Variants in NOSTRIN observed in about 807,000 individuals in gnomAD.
NOSTRIN encodes nitric oxide synthase trafficking, also known as BM247 homolog.
In NOSTRIN, 63 loss-of-function variants were observed where a neutral mutation model predicts 59.0. The observed-to-expected ratio is 1.07, with a 90% confidence interval of 0.87 to 1.32. NOSTRIN has a LOEUF of 1.32. NOSTRIN is among the 40% of genes most tolerant of loss of function. The pLI is 0.00. For missense variants in NOSTRIN, 512 were observed against 473.1 expected, an observed-to-expected ratio of 1.08 and a Z score of -0.76; for synonymous variants, 200 against 165.4, an observed-to-expected ratio of 1.21 and a Z score of -1.61.
intron 7 of NOSTRIN, among the ~76,000 whole-genome samples, chr2:168,838,789 CT>C (rs71003059): frequency 6.4e-4 from 87 of 136,260 alleles, no homozygotes; most frequent in Non-Finnish European, 6.7e-4. Context: ...AAAAAAAACT[CT>C]TTTTTTTTTT....
chr2:168,845,885 A>G (rs1192161565), intron 8 of NOSTRIN, among the ~76,000 whole-genome samples: 7 of 136,086 alleles, frequency 5.1e-5, no homozygotes, highest in African/African-American at 2.0e-4. Flanking sequence ...CCCCTCTTGT[A>G]TCCTGGATTT....
At chr2:168,862,080 C>T (rs2105797721) in intron 15 of NOSTRIN, 31 bp downstream of exon 15, 2 of 1,577,834 alleles carry the variant, frequency 1.3e-6, no homozygotes, top group African/African-American at 1.3e-5. Context: ...TTTTAATTGC[C>T]TTCCCATATT....
At chr2:168,847,360 G>A (rs915866340) in intron 8 of NOSTRIN, among the ~76,000 whole-genome samples, 4 of 152,106 alleles carry the variant, frequency 2.6e-5, no homozygotes, top group Admixed American at 2.0e-4. Context: ...CAAAGCGCCT[G>A]GGGTGCTTAA....
At chr2:168,837,299 TC>T (rs1687786417) in intron 7 of NOSTRIN, among the ~76,000 whole-genome samples, 3 of 128,892 alleles carry the variant, frequency 2.3e-5, no homozygotes, top group African/African-American at 8.4e-5. Context: ...TTTTTTAACA[TC>T]TTTTTTTTTT....
intron 1 of NOSTRIN, among the ~76,000 whole-genome samples, chr2:168,809,026 G>A (rs900198120): frequency 2.0e-5 from 3 of 152,186 alleles, no homozygotes; most frequent in African/African-American, 7.2e-5. Context: ...AAACATAAAA[G>A]TGTTTCATAA....
At chr2:168,814,664 A>C (rs958591289) in intron 2 of NOSTRIN, among the ~76,000 whole-genome samples, 110 of 152,360 alleles carry the variant, frequency 7.2e-4, no homozygotes, top group Middle Eastern at 3.4e-3. Flanking sequence ...TGATGAAGGC[A>C]AATCTGTGGC....
upstream of NOSTRIN, among the ~76,000 whole-genome samples, chr2:168,797,052 T>C (rs1685496382): frequency 6.6e-6 from 1 of 150,410 alleles, no homozygotes; most frequent in African/African-American, 2.4e-5. Context: ...CTCATACTTT[T>C]CTTTTCTTTC....
chr2:168,853,652 G>A (rs1688903297), intron 10 of NOSTRIN, among the ~76,000 whole-genome samples: 1 of 152,314 alleles, frequency 6.6e-6, no homozygotes, highest in Non-Finnish European at 1.5e-5. Context: ...CTTCAACAGG[G>A]AAGGACTAAT....
intron 8 of NOSTRIN, among the ~76,000 whole-genome samples, chr2:168,849,086 G>T (rs563770836): frequency 6.6e-6 from 1 of 152,240 alleles, no homozygotes; most frequent in East Asian, 1.9e-4. Context: ...AATTTCAAGA[G>T]GTGAGCAAGG....
intron 3 of NOSTRIN, among the ~76,000 whole-genome samples, chr2:168,827,531 C>A (rs1687121195): frequency 6.6e-6 from 1 of 151,912 alleles, no homozygotes; most frequent in Non-Finnish European, 1.5e-5. Context: ...TATTTTATTT[C>A]CCCTATTTTA....
At chr2:168,844,059 C>T (rs78005721) in intron 8 of NOSTRIN, among the ~76,000 whole-genome samples, 452 of 152,208 alleles carry the variant, frequency 3.0e-3, no homozygotes, top group Non-Finnish European at 5.3e-3. Flanking sequence ...GAATTAACCT[C>T]GAAAAACATG....
chr2:168,856,608 C>G (rs745932380), intron 11 of NOSTRIN, 82 bp from the exon 12 acceptor site: 7 of 1,231,798 alleles, frequency 5.7e-6, no homozygotes, highest in Non-Finnish European at 8.4e-6. Context: ...CACTTCTAGG[C>G]TCCCTTTGAG....
In NOSTRIN at chr2:168,832,989, A is replaced by G. The variant is rs891064062; in HGVS notation, c.406-1238A>G. Among the ~76,000 whole-genome samples the G allele has an allele frequency of 1.1e-4, 16 of 152,218 alleles. 1 individual carries two copies. Among genetic ancestry groups the G allele is most frequent in the African/African-American group, 3.4e-4 (14 of 41,448 alleles). Reference sequence around the variant, plus strand: ...TCAGCTTTCACAGGAATTCAGTACAATGAATCAAAAGCCAGAAATAATGCT... The same window carrying G: ...TCAGCTTTCACAGGAATTCAGTACAGTGAATCAAAAGCCAGAAATAATGCT... On this transcript the variant is annotated intron_variant, in intron 6 of 15. Transcript: ENST00000317647.
chr2:168,828,122 C>CCTAGGAAATG (rs1687150953), intron 3 of NOSTRIN, 36 bp from the exon 4 acceptor site: 1 of 872,170 alleles, frequency 1.1e-6, no homozygotes, highest in Non-Finnish European at 2.0e-6. Context: ...AGGAAAATGA[C>CCTAGGAAATG]ACTCACCTTT....
At chr2:168,802,305 A>C, upstream of NOSTRIN, 1 of 279,792 alleles carries the variant, frequency 3.6e-6, no homozygotes, top group East Asian at 7.6e-5. Flanking sequence ...GTGTTCCTGC[A>C]CTGTCAGACC....
chr2:168,849,661 T>C (rs1046757406), intron 8 of NOSTRIN, among the ~76,000 whole-genome samples: 3 of 118,282 alleles, frequency 2.5e-5, no homozygotes, highest in African/African-American at 1.0e-4. Flanking sequence ...TAGCCAGGCC[T>C]TGTTTTTACA....
chr2:168,857,914 G>C (rs917709649), intron 12 of NOSTRIN, among the ~76,000 whole-genome samples: 26 of 152,200 alleles, frequency 1.7e-4, no homozygotes, highest in Non-Finnish European at 1.2e-4. Flanking sequence ...AGGCTTTCTT[G>C]AGTAAGGTGC....
intron 2 of NOSTRIN, among the ~76,000 whole-genome samples, chr2:168,817,338 C>T (rs939330151): frequency 2.0e-5 from 3 of 152,186 alleles, no homozygotes; most frequent in African/African-American, 7.2e-5. Flanking sequence ...TCATGAAGCC[C>T]AGTGGCTTTC....
chr2:168,828,076 C>T (rs764943962), intron 3 of NOSTRIN, 82 bp from the exon 4 acceptor site: 14 of 825,800 alleles, frequency 1.7e-5, no homozygotes, highest in South Asian at 2.7e-5. Context: ...GAATCAGATG[C>T]GATGCTGTAT....
Sources: allele counts gnomAD v4.1 joint callset (sites outside exome capture counted in the v4.1 genomes callset), GRCh38; gene constraint gnomAD v4.1.1; transcripts MANE v1.5; gene names NCBI Gene and HGNC (gene_info 2026-07-23, HGNC 2026-07-21).